RIPOR2: variants seen among roughly 807,000 people sequenced by gnomAD.
The protein encoded by RIPOR2 is rho family-interacting cell polarization regulator 2.
RIPOR2 carries 39 observed loss-of-function variants against 114.5 expected under a neutral mutation model. The observed-to-expected ratio is 0.34, with a 90% CI of 0.26 to 0.44. The LOEUF is 0.44. RIPOR2 is among the 20% of genes least tolerant of loss of function. RIPOR2 has a pLI of 1.00. For missense variants in RIPOR2, 1,007 were observed against 1,255.1 expected (o/e 0.80, Z 2.99); for synonymous variants, 445 against 484.4 (o/e 0.92, Z 1.07).
rs1366922486 is a variant in RIPOR2 at position 24,861,098 on chromosome 6, C to T, written c.652-62G>A. Reference sequence around the variant, plus strand: ...CTTTCACCCAACAGCTCAAAGCACACGACGTTCGAACAGCAGCACAACCAC... The same window carrying T: ...CTTTCACCCAACAGCTCAAAGCACATGACGTTCGAACAGCAGCACAACCAC... On this transcript the variant is annotated intron_variant, in intron 7 of 21. Coordinates refer to ENST00000643898, the MANE Select transcript of RIPOR2 (RefSeq NM_001286445.3). 11 of 1,173,198 alleles carry T rather than the reference C, an allele frequency of 9.4e-6. No homozygotes were observed. The Admixed American group carries it at 1.1e-4, about 12-fold the overall frequency. 72.7% of individuals were successfully genotyped at this position (1,173,198 alleles called of 1,614,324 possible). A position where few individuals can be genotyped will look rare whatever the true frequency, so the allele number is the denominator to read the frequency against.
rs980646869 is a variant in RIPOR2, at chr6:24,848,130, G to C, written c.1059C>G (p.Thr353=). The part of the protein sequence containing the change: ...TWYPFDVEDM[T]ASSGAGNKAA... ...CCTTGTTCCCAGCGCCTGAGGATGC[G>C]GTCATGTCCTCCACGTCAAATGGAC... Residue 353 remains threonine (T), a synonymous_variant, in exon 12 of 22, where the codon ACC becomes ACG. Transcript: ENST00000643898. 1 of 1,613,516 alleles carries C rather than the reference G, an allele frequency of 6.2e-7. No individual in the cohort carries two copies. The highest frequency in any genetic ancestry group is 8.5e-7 in the Non-Finnish European group (1 of 1,179,730).
chr6:24,916,124 G>A (rs1040244500), intron 1 of RIPOR2, among the ~76,000 whole-genome samples: 2 of 152,176 alleles, frequency 1.3e-5, no homozygotes, highest in Non-Finnish European at 2.9e-5. Context: ...TCTAACATTT[G>A]ACAATTCCTG....
chr6:24,944,492 AG>A (rs1245993355), intron 1 of RIPOR2, among the ~76,000 whole-genome samples: 2 of 152,230 alleles, frequency 1.3e-5, no homozygotes, highest in Non-Finnish European at 2.9e-5. Flanking sequence ...TTGGGGGAGT[AG>A]GGAGAATCTG....
intron 1 of RIPOR2, among the ~76,000 whole-genome samples, chr6:25,012,666 T>C (rs58272875): frequency 0.048 from 7,364 of 152,222 alleles, 385 homozygotes; most frequent in African/African-American, 0.14. Context: ...ATATAAAATA[T>C]CCAAAATATA....
intron 1 of RIPOR2, among the ~76,000 whole-genome samples, chr6:24,998,041 A>G (rs1775122936): frequency 6.6e-6 from 1 of 152,168 alleles, no homozygotes; most frequent in Admixed American, 6.5e-5. Flanking sequence ...GGGCCTTGAA[A>G]TTGAATAGGC....
At chr6:24,940,727 C>A (rs1409555597), upstream of RIPOR2, among the ~76,000 whole-genome samples, 6 of 151,948 alleles carry the variant, frequency 3.9e-5, no homozygotes, top group African/African-American at 1.2e-4. Context: ...CTCACTGCAA[C>A]CTCCACCTCC....
intron 1 of RIPOR2, among the ~76,000 whole-genome samples, chr6:24,970,799 T>G (rs946349068): frequency 1.3e-5 from 2 of 152,234 alleles, no homozygotes; most frequent in Non-Finnish European, 2.9e-5. Flanking sequence ...GAGTTTATGT[T>G]GCCATTGTGT....
chr6:24,927,149 C>CTACAACTACAATCACCAT lies in RIPOR2; in HGVS notation c.61+8688_61+8689insATGGTGATTGTAGTTGTA, dbSNP rs1770949127. Reference sequence around the variant, plus strand: ...CATCATCTCACTACCACCACCACCACCACCACCACCACAACTACAATCACC... The same window carrying CTACAACTACAATCACCAT: ...CATCATCTCACTACCACCACCACCACTACAACTACAATCACCATCACCACCACCACAACTACAATCACC... On this transcript the variant is annotated intron_variant, in intron 1 of 21. Coordinates refer to ENST00000643898, the MANE Select transcript of RIPOR2 (RefSeq NM_001286445.3). Among the ~76,000 whole-genome samples, 26 of 51,526 alleles carry CTACAACTACAATCACCAT rather than the reference C, an allele frequency of 5.0e-4. 11 individuals carry two copies. The highest frequency in any genetic ancestry group is 1.5e-3 in the African/African-American group (20 of 13,004). The allele number at this position is 51,526 out of a possible 152,430, so 33.8% of individuals were successfully genotyped here. A position where few individuals can be genotyped will look rare whatever the true frequency, so the allele number is the denominator to read the frequency against.
At chr6:24,852,832 G>A (rs1763098300) in intron 8 of RIPOR2, among the ~76,000 whole-genome samples, 1 of 152,216 alleles carries the variant, frequency 6.6e-6, no homozygotes, top group African/African-American at 2.4e-5. Flanking sequence ...GATGGAAGAG[G>A]TGGTCTCCAA....
intron 19 of RIPOR2, among the ~76,000 whole-genome samples, chr6:24,824,766 TCACCATAATA>T (rs1349575325): frequency 5.9e-5 from 9 of 152,212 alleles, no homozygotes; most frequent in Non-Finnish European, 1.2e-4. Flanking sequence ...ACACATATGT[TCACCATAATA>T]TTTTTAGAGT....
intron 1 of RIPOR2, among the ~76,000 whole-genome samples, chr6:25,030,685 T>C (rs1776880833): frequency 6.6e-6 from 1 of 152,062 alleles, no homozygotes. Context: ...GTCTTGCTGT[T>C]TTTCGTTGTT....
intron 1 of RIPOR2, chr6:25,031,402 C>G (rs1776921243): frequency 6.6e-6 from 1 of 151,942 alleles, no homozygotes; most frequent in Non-Finnish European, 1.5e-5. Context: ...GGTGATGGAA[C>G]TCTTCTATAT....
intron 9 of RIPOR2, 125 bp from the exon 10 acceptor site, chr6:24,850,847 C>A: frequency 9.2e-7 from 1 of 1,083,258 alleles, no homozygotes; most frequent in Non-Finnish European, 1.4e-6. Context: ...ACTCTCCCTC[C>A]ACCCCCTTAC....
chr6:24,896,267 G>A (rs1767874737), intron 1 of RIPOR2, among the ~76,000 whole-genome samples: 1 of 152,072 alleles, frequency 6.6e-6, no homozygotes, highest in Non-Finnish European at 1.5e-5. Context: ...TGTATAATAG[G>A]GATAATAAAA....
At chr6:25,023,834 G>T in intron 1 of RIPOR2, 1 of 740,092 alleles carries the variant, frequency 1.4e-6, no homozygotes, top group Non-Finnish European at 2.5e-6. Context: ...AGGATGTCAG[G>T]GGTGTTGGGG....
chr6:24,989,229 T>C (rs192296095), intron 1 of RIPOR2, among the ~76,000 whole-genome samples: 3 of 152,156 alleles, frequency 2.0e-5, no homozygotes, highest in Non-Finnish European at 4.4e-5. Context: ...TTAAACAAAT[T>C]TGAGGAAAAT....
In RIPOR2 at chr6:25,015,790, A is replaced by G. The variant is rs1179377085; in HGVS notation, c.76+26061T>C. 3.3e-5 allele frequency: 5 copies of G among 151,238 alleles called. No individual in the cohort carries two copies. In the East Asian group the frequency reaches 9.7e-4, roughly 29 times the overall value. 9.4% of individuals were successfully genotyped at this position (151,238 alleles called of 1,614,324 possible). A position where few individuals can be genotyped will look rare whatever the true frequency, so the allele number is the denominator to read the frequency against. Reference sequence around the variant, plus strand: ...AGAGGGAGGTGGAGAAAATACTCATATATTGTAGAGGGAGGTGGAGAAGGA... The same window carrying G: ...AGAGGGAGGTGGAGAAAATACTCATGTATTGTAGAGGGAGGTGGAGAAGGA... On this transcript the variant is annotated intron_variant, in intron 1 of 13. Coordinates refer to the RIPOR2 transcript ENST00000510784.
chr6:24,940,636 G>C (rs1772076179), upstream of RIPOR2, among the ~76,000 whole-genome samples: 2 of 152,010 alleles, frequency 1.3e-5, no homozygotes, highest in South Asian at 4.1e-4. Context: ...AAAGAGCTGG[G>C]ACAAAAGGAA....
chr6:25,025,724 CTA>C (rs1444391600), intron 1 of RIPOR2, among the ~76,000 whole-genome samples: 3 of 152,188 alleles, frequency 2.0e-5, no homozygotes, highest in African/African-American at 7.2e-5. Flanking sequence ...GATATGATGA[CTA>C]TGCATATTCA....
Sources: gnomAD v4.1 joint callset for allele counts (sites outside exome capture counted in the v4.1 genomes callset) on GRCh38, gnomAD v4.1.1 for gene constraint, MANE v1.5 for transcripts, NCBI Gene and HGNC (gene_info 2026-07-23, HGNC 2026-07-21) for gene names.